The following ADAM2 variants were observed in gnomAD, a reference collection of about 807,000 sequenced individuals.
ADAM2 encodes the protein disintegrin and metalloproteinase domain-containing protein 2.
ADAM2 carries 101 observed loss-of-function variants against 99.3 expected under a neutral mutation model. The ratio of observed to expected loss-of-function variants is 1.02; its 90% CI spans 0.87 to 1.20. The LOEUF (loss-of-function observed/expected upper bound fraction) is 1.20, where lower values mean the gene tolerates loss of function less well. ADAM2 is among the 50% of genes most tolerant of loss of function. ADAM2 has a pLI of 0.00. For synonymous variants in ADAM2, 323 were observed against 287.6 expected (o/e 1.12, Z -1.25); for missense variants, 948 against 878.7 (o/e 1.08, Z -1.00).
intron 6 of ADAM2, among the ~76,000 whole-genome samples, chr8:39,816,184 C>T (rs1804933315): frequency 6.6e-6 from 1 of 152,122 alleles, no homozygotes; most frequent in South Asian, 2.1e-4. Flanking sequence ...CTAATACCAG[C>T]TACTCGGGAG....
At chr8:39,770,985 A>G (rs1028183713) in intron 11 of ADAM2, among the ~76,000 whole-genome samples, 4 of 152,212 alleles carry the variant, frequency 2.6e-5, no homozygotes, top group African/African-American at 9.6e-5. Context: ...AACTCAATCA[A>G]TTATGTTTCC....
chr8:39,789,753 A>G (rs1803624495), intron 7 of ADAM2, among the ~76,000 whole-genome samples: 1 of 151,812 alleles, frequency 6.6e-6, no homozygotes, highest in Admixed American at 6.6e-5. Context: ...AAACAAAAAG[A>G]CAACCTTCAG....
At chr8:39,834,350 G>A (rs1254017589) in intron 2 of ADAM2, among the ~76,000 whole-genome samples, 1 of 152,014 alleles carries the variant, frequency 6.6e-6, no homozygotes, top group Non-Finnish European at 1.5e-5. Flanking sequence ...AAAGATATTT[G>A]ACTTCCTTCT....
intron 4 of ADAM2, 24 bp downstream of exon 4, chr8:39,824,795 T>C (rs1563382355): frequency 1.5e-6 from 2 of 1,313,884 alleles, no homozygotes; most frequent in South Asian, 1.2e-5. Context: ...ATGACAAAAA[T>C]AAAAGAGATC....
At chr8:39,791,754 G>T (rs1042607315) in intron 7 of ADAM2, among the ~76,000 whole-genome samples, 10 of 152,038 alleles carry the variant, frequency 6.6e-5, no homozygotes, top group African/African-American at 2.4e-4. Context: ...AGAGGTAAAA[G>T]ATAGCTGTTG....
intron 14 of ADAM2, among the ~76,000 whole-genome samples, chr8:39,764,826 C>T (rs970324522): frequency 6.6e-6 from 1 of 151,968 alleles, no homozygotes. Flanking sequence ...CCAGCCTGGC[C>T]AACATGGCAA....
At chr8:39,782,206 C>CT (rs938759695) in intron 10 of ADAM2, among the ~76,000 whole-genome samples, 9 of 151,832 alleles carry the variant, frequency 5.9e-5, no homozygotes, top group Middle Eastern at 3.4e-3. Flanking sequence ...TTCAATCTTG[C>CT]TTTTTTTTGT....
Position 39,788,685 on chromosome 8 carries a change from A to G in ADAM2, c.626T>C (p.Ile209Thr). 1.3e-6 allele frequency: 2 copies of G among 1,581,500 alleles called. No homozygotes were observed. Residue 209 changes from isoleucine to threonine, a missense_variant, in exon 8 of 21, where the codon ATT (isoleucine) becomes ACT (threonine). Coordinates refer to ENST00000265708, the MANE Select transcript of ADAM2 (RefSeq NM_001464.5). ...AAGACTTACAGCATTCGTCAATCCA[A>G]TCAACTGGAAAACTTTTTGAGCGAC... ...TVVAQKVFQL[I>T]GLTNAIFVSF...
intron 20 of ADAM2, among the ~76,000 whole-genome samples, 167 bp downstream of exon 20, chr8:39,744,663 T>C (rs1823374078): frequency 6.6e-6 from 1 of 152,066 alleles, no homozygotes; most frequent in Non-Finnish European, 1.5e-5. Context: ...AGGAAGAGCA[T>C]TGAGACCAAT....
At chr8:39,787,756 G>A (rs950804809) in intron 9 of ADAM2, among the ~76,000 whole-genome samples, 2 of 151,478 alleles carry the variant, frequency 1.3e-5, no homozygotes, top group Non-Finnish European at 3.0e-5. Flanking sequence ...CAAGAAGGCT[G>A]AATTACTATA....
chr8:39,758,621 A>G (rs2129583540), intron 15 of ADAM2, among the ~76,000 whole-genome samples: 1 of 152,156 alleles, frequency 6.6e-6, no homozygotes, highest in Middle Eastern at 3.4e-3. Flanking sequence ...GTGCTTAGGT[A>G]TTTATTTTCA....
intron 6 of ADAM2, among the ~76,000 whole-genome samples, chr8:39,814,425 C>T (rs1183070265): frequency 6.6e-6 from 1 of 150,992 alleles, no homozygotes; most frequent in Non-Finnish European, 1.5e-5. Context: ...TAAAAGGAGA[C>T]AAAAGTGCTT....
chr8:39,826,619 A>T (rs1310954268), intron 3 of ADAM2, among the ~76,000 whole-genome samples: 2 of 151,686 alleles, frequency 1.3e-5, no homozygotes, highest in African/African-American at 4.8e-5. Context: ...GCTACTTGGG[A>T]GGCTGAGGCA....
rs377567199 is a variant in ADAM2 at position 39,744,900 on chromosome 8, A to G, written c.2175-7T>C. 4.9e-4 allele frequency: 787 copies of G among 1,592,964 alleles called. No individual in the cohort carries two copies. The highest frequency in any genetic ancestry group is 6.6e-4 in the Non-Finnish European group (767 of 1,166,378). On this transcript the variant is annotated splice_polypyrimidine_tract_variant and splice_region_variant and intron_variant, in intron 19 of 20. Transcript: ENST00000265708. ...ACTCTCACTTTCAGGTTGCCTGCAT[A>G]TTAAAAATAAAAATAATATTATACT...
intron 7 of ADAM2, among the ~76,000 whole-genome samples, chr8:39,806,907 G>C (rs1347464377): frequency 6.6e-6 from 1 of 152,186 alleles, no homozygotes; most frequent in African/African-American, 2.4e-5. Context: ...AGGGCTGCCA[G>C]ACTTCTTAGA....
intron 7 of ADAM2, among the ~76,000 whole-genome samples, chr8:39,808,948 TA>T (rs1804575202): frequency 6.6e-6 from 1 of 151,914 alleles, no homozygotes; most frequent in Non-Finnish European, 1.5e-5. Flanking sequence ...TAAAGAAAAA[TA>T]AACATATTGA....
intron 10 of ADAM2, among the ~76,000 whole-genome samples, chr8:39,780,939 T>G (rs907086493): frequency 6.6e-6 from 1 of 152,032 alleles, no homozygotes; most frequent in Non-Finnish European, 1.5e-5. Context: ...AACTAAAACA[T>G]TGTTATCTCT....
intron 6 of ADAM2, among the ~76,000 whole-genome samples, chr8:39,817,419 T>C (rs927789819): frequency 2.6e-5 from 4 of 152,178 alleles, no homozygotes; most frequent in Non-Finnish European, 5.9e-5. Context: ...TAGTGTTCTA[T>C]AGCACCATAG....
chr8:39,751,260 T>C (rs1240469775), intron 16 of ADAM2, among the ~76,000 whole-genome samples: 2 of 152,210 alleles, frequency 1.3e-5, no homozygotes, highest in African/African-American at 2.4e-5. Flanking sequence ...GTTATAAATC[T>C]ATCTATTCTG....
Sources: allele counts gnomAD v4.1 joint callset (sites outside exome capture counted in the v4.1 genomes callset), GRCh38; gene constraint gnomAD v4.1.1; transcripts MANE v1.5; gene names NCBI Gene and HGNC (gene_info 2026-07-23, HGNC 2026-07-21).